CNTNAP3: variants seen among roughly 807,000 people sequenced by gnomAD.
CNTNAP3 encodes the protein contactin-associated protein-like 3.
A neutral mutation model predicts 92.1 loss-of-function variants in CNTNAP3; 36 were observed. That is an observed-to-expected ratio of 0.39 (90% confidence interval 0.30 to 0.52). The LOEUF (loss-of-function observed/expected upper bound fraction) is 0.52, where lower values mean the gene tolerates loss of function less well. CNTNAP3 is among the 20% of genes least tolerant of loss of function. The pLI is 0.76. For synonymous variants in CNTNAP3, 232 were observed against 422.3 expected (o/e 0.55, Z 5.53); for missense variants, 534 against 1,069.6 (o/e 0.50, Z 6.98).
At chr9:39,075,837 G>C (rs1825747500) in intron 23 of CNTNAP3, among the ~76,000 whole-genome samples, 1 of 152,310 alleles carries the variant, frequency 6.6e-6, no homozygotes, top group Non-Finnish European at 1.5e-5. Context: ...TGGGCTGCAT[G>C]CCTTAGTAAA....
At chr9:39,140,777 T>A (rs1821556478) in intron 11 of CNTNAP3, 139 bp from the exon 12 acceptor site, 1 of 1,255,606 alleles carries the variant, frequency 8.0e-7, no homozygotes, top group Admixed American at 3.6e-5. Context: ...GACAGTATAT[T>A]TGATGAGATG....
At chr9:39,119,097 T>A (rs568171905) in intron 13 of CNTNAP3, among the ~76,000 whole-genome samples, 1 of 151,592 alleles carries the variant, frequency 6.6e-6, no homozygotes, top group African/African-American at 2.4e-5. Flanking sequence ...AGGAAGGGGG[T>A]CAGGGGCCAC....
chr9:39,119,142 A>T (rs1191173009), intron 13 of CNTNAP3, among the ~76,000 whole-genome samples: 1 of 152,142 alleles, frequency 6.6e-6, no homozygotes, highest in Non-Finnish European at 1.5e-5. Context: ...CCATGAGGAA[A>T]ATGAAATTGG....
chr9:39,110,239 T>C (rs962497438), intron 14 of CNTNAP3, among the ~76,000 whole-genome samples: 14 of 152,084 alleles, frequency 9.2e-5, no homozygotes, highest in African/African-American at 3.4e-4. Context: ...CTACAAAAAA[T>C]ACAAAAATTA....
intron 18 of CNTNAP3, among the ~76,000 whole-genome samples, chr9:39,095,566 G>A (rs1826306563): frequency 7.0e-6 from 1 of 142,230 alleles, no homozygotes; most frequent in African/African-American, 2.5e-5. Context: ...TTTTTTTTCA[G>A]CAACAATTAA....
In CNTNAP3 at chr9:39,084,474, G is replaced by A. The variant is rs62569960; in HGVS notation, c.3442+1262C>T. 6.6e-3 allele frequency among the ~76,000 whole-genome samples: 1,010 copies of A among 152,194 alleles called. 16 individuals are homozygous for A. Among genetic ancestry groups the A allele is most frequent in the African/African-American group, 0.023 (951 of 41,526 alleles). On this transcript the variant is annotated intron_variant, in intron 21 of 23. Transcript: ENST00000297668. The stretch of plus-strand genomic sequence containing the variant: ...CTCCCAAAGTGCTGGGATTACAGGC[G>A]TAAGCCACCACACCCGGCCACTCAC...
At chr9:39,159,761 A>G (rs1348754705) in intron 9 of CNTNAP3, 1 of 126,696 alleles carries the variant, frequency 7.9e-6, no homozygotes, top group Non-Finnish European at 1.6e-5. Context: ...TTAGAACTGA[A>G]TGGGAATGTC....
chr9:39,111,037 A>G (rs1325601504), intron 14 of CNTNAP3, among the ~76,000 whole-genome samples: 1 of 152,172 alleles, frequency 6.6e-6, no homozygotes, highest in East Asian at 1.9e-4. Context: ...GGCTTTCTGA[A>G]TTAAAAAAAA....
At chr9:39,177,780 CATA>C (rs1325660299) in intron 5 of CNTNAP3, among the ~76,000 whole-genome samples, 1 of 40,948 alleles carries the variant, frequency 2.4e-5, no homozygotes, top group African/African-American at 1.6e-4. Flanking sequence ...AGCATTATCT[CATA>C]ATTTTATAAT....
intron 12 of CNTNAP3, among the ~76,000 whole-genome samples, chr9:39,133,541 A>T (rs1009315150): frequency 3.3e-5 from 5 of 151,772 alleles, no homozygotes; most frequent in Admixed American, 1.3e-4. Context: ...TTTATAAAAG[A>T]TACATATTGG....
intron 15 of CNTNAP3, 138 bp downstream of exon 15, chr9:39,109,022 A>T: frequency 7.5e-7 from 1 of 1,331,798 alleles, no homozygotes; most frequent in East Asian, 2.5e-5. Context: ...CCTTTATGGT[A>T]TGTGTGTTTT....
chr9:39,159,381 A>G (rs115072314), intron 9 of CNTNAP3: 37 of 130,734 alleles, frequency 2.8e-4, no homozygotes, highest in Non-Finnish European at 2.9e-4. Context: ...ATATATATAT[A>G]TTTTTAAAAA....
intron 15 of CNTNAP3, among the ~76,000 whole-genome samples, chr9:39,104,811 G>A (rs535674884): frequency 6.6e-6 from 1 of 152,244 alleles, no homozygotes; most frequent in Non-Finnish European, 1.5e-5. Context: ...AAGGGCTGCT[G>A]TGTTCTCCTC....
At chr9:39,084,662 C>T (rs1353452684) in intron 21 of CNTNAP3, among the ~76,000 whole-genome samples, 2 of 152,136 alleles carry the variant, frequency 1.3e-5, no homozygotes, top group African/African-American at 2.4e-5. Context: ...AAGGAAAGCA[C>T]TTCCTATATA....
At chr9:39,146,614 A>G (rs2118121656) in intron 10 of CNTNAP3, among the ~76,000 whole-genome samples, 1 of 152,270 alleles carries the variant, frequency 6.6e-6, no homozygotes, top group East Asian at 1.9e-4. Flanking sequence ...GCATGAACCC[A>G]GGAGGCGGAG....
intron 14 of CNTNAP3, among the ~76,000 whole-genome samples, chr9:39,114,267 G>A (rs1820800932): frequency 6.6e-6 from 1 of 151,610 alleles, no homozygotes; most frequent in Admixed American, 6.6e-5. Flanking sequence ...TGTATTTTTA[G>A]TAGAGACGGG....
At chr9:39,098,967 T>C (rs1826388489) in intron 18 of CNTNAP3, among the ~76,000 whole-genome samples, 1 of 145,806 alleles carries the variant, frequency 6.9e-6, no homozygotes, top group South Asian at 2.2e-4. Flanking sequence ...AGTCCCTTTT[T>C]CCTTTTCTTT....
intron 22 of CNTNAP3, 53 bp from the exon 23 acceptor site, chr9:39,078,509 C>T: frequency 3.1e-6 from 5 of 1,611,678 alleles, no homozygotes; most frequent in Middle Eastern, 2.3e-4. Context: ...AATCACGCCA[C>T]AATTTACACA....
In CNTNAP3 at chr9:39,133,021, C is replaced by T. The variant is rs1200767588; in HGVS notation, c.1991G>A (p.Gly664Glu). Residue 664 changes from glycine (G) to glutamate (E), a missense_variant, in exon 13 of 24, where the codon GGG (glycine) becomes GAG (glutamate). Coordinates refer to ENST00000297668, the MANE Select transcript of CNTNAP3 (RefSeq NM_033655.5). ...AVSFAYAAGA[G>E]QLRSAVNLAE... ...CAGGTTCACCGCGGACCGCAGCTGCCCCGCGCCCGCTGCGTACGCGAAGGA... is the reference window on the plus strand; with the variant it reads ...CAGGTTCACCGCGGACCGCAGCTGCTCCGCGCCCGCTGCGTACGCGAAGGA... 1.9e-6 allele frequency: 3 copies of T among 1,542,038 alleles called. No homozygotes were observed. Among genetic ancestry groups the T allele is most frequent in the Admixed American group, 3.9e-5 (2 of 51,094 alleles).
Sources: allele counts gnomAD v4.1 joint callset (sites outside exome capture counted in the v4.1 genomes callset), GRCh38; gene constraint gnomAD v4.1.1; transcripts MANE v1.5; gene names NCBI Gene and HGNC (gene_info 2026-07-23, HGNC 2026-07-21).